The following GRIK2 variants were observed in gnomAD, a reference collection of about 807,000 sequenced individuals.
GRIK2 encodes the protein glutamate receptor ionotropic, kainate 2.
In GRIK2, 32 loss-of-function variants were observed where a neutral mutation model predicts 100.3. That is an observed-to-expected ratio of 0.32 (90% CI 0.24 to 0.43). The LOEUF is 0.43. Ranked by LOEUF, GRIK2 falls within the 20% of genes least tolerant of loss-of-function variation. The probability of loss-of-function intolerance (pLI) is 1.00; values close to 1 mark genes in which losing one functional copy is unlikely to be tolerated. For synonymous variants in GRIK2, 417 were observed against 389.4 expected, an observed-to-expected ratio of 1.07 and a Z score of -0.83; for missense variants, 843 against 1,114.9, an observed-to-expected ratio of 0.76 and a Z score of 3.47.
chr6:101,466,940 A>G (rs1771679334), intron 2 of GRIK2, among the ~76,000 whole-genome samples: 1 of 152,226 alleles, frequency 6.6e-6, no homozygotes, highest in South Asian at 2.1e-4. Flanking sequence ...TTGCTTTTAA[A>G]TAACTTGTAA....
chr6:101,394,666 T>A (rs1425617181), intron 1 of GRIK2, among the ~76,000 whole-genome samples: 2 of 152,242 alleles, frequency 1.3e-5, no homozygotes, highest in African/African-American at 2.4e-5. Flanking sequence ...ATTGGTTCAT[T>A]TGAGTCTTAA....
At chr6:101,768,097 G>C (rs1252035024) in intron 7 of GRIK2, among the ~76,000 whole-genome samples, 1 of 152,002 alleles carries the variant, frequency 6.6e-6, no homozygotes, top group East Asian at 1.9e-4. Context: ...GGGCTCAAGT[G>C]ATCTACCCAT....
intron 2 of GRIK2, among the ~76,000 whole-genome samples, chr6:101,457,048 C>T (rs1457982792): frequency 6.6e-6 from 1 of 152,076 alleles, no homozygotes; most frequent in Non-Finnish European, 1.5e-5. Context: ...CTAAACAATT[C>T]TAAAAGGAAC....
chr6:101,678,790 A>G (rs374031877), intron 5 of GRIK2, among the ~76,000 whole-genome samples: 1 of 152,384 alleles, frequency 6.6e-6, no homozygotes, highest in East Asian at 1.9e-4. Context: ...AGGACTATGC[A>G]GAAAAATAAA....
chr6:101,891,763 G>T (rs1787114420), intron 12 of GRIK2, among the ~76,000 whole-genome samples: 1 of 152,040 alleles, frequency 6.6e-6, no homozygotes, highest in African/African-American at 2.4e-5. Context: ...GACTTTTGGG[G>T]TTCTCCCCAC....
intron 7 of GRIK2, among the ~76,000 whole-genome samples, chr6:101,688,032 T>G (rs937243546): frequency 1.4e-5 from 2 of 148,004 alleles, no homozygotes; most frequent in African/African-American, 4.9e-5. Flanking sequence ...TTTAAATTGT[T>G]GTTATGATCA....
intron 4 of GRIK2, among the ~76,000 whole-genome samples, chr6:101,667,554 ATG>A (rs1770121140): frequency 6.6e-6 from 1 of 152,196 alleles, no homozygotes; most frequent in Admixed American, 6.6e-5. Flanking sequence ...CACTTTTAAA[ATG>A]TTTTCATGGG....
intron 2 of GRIK2, among the ~76,000 whole-genome samples, chr6:101,593,103 G>A (rs1464064098): frequency 6.6e-6 from 1 of 151,808 alleles, no homozygotes; most frequent in Non-Finnish European, 1.5e-5. Context: ...GCATCCTATG[G>A]GTGTTTGAAG....
At chr6:101,545,914 T>G (rs2128290292) in intron 2 of GRIK2, among the ~76,000 whole-genome samples, 1 of 151,272 alleles carries the variant, frequency 6.6e-6, no homozygotes, top group South Asian at 2.1e-4. Context: ...GTTAGAATTC[T>G]TGCTTATCTG....
chr6:101,526,740 T>C (rs953972782), intron 2 of GRIK2, among the ~76,000 whole-genome samples: 7 of 152,192 alleles, frequency 4.6e-5, no homozygotes, highest in African/African-American at 1.7e-4. Flanking sequence ...TTCTCATCTC[T>C]GTACACAGGT....
intron 2 of GRIK2, among the ~76,000 whole-genome samples, chr6:101,560,657 TTAAG>T (rs145581327): frequency 0.048 from 7,353 of 152,160 alleles, 251 homozygotes; most frequent in Non-Finnish European, 0.064. Flanking sequence ...AAGACATAAT[TTAAG>T]TAATTCAGCT....
intron 2 of GRIK2, among the ~76,000 whole-genome samples, chr6:101,469,126 AAAATTGTGTGGTTAC>A (rs1256017548): frequency 6.6e-6 from 1 of 152,200 alleles, no homozygotes; most frequent in Non-Finnish European, 1.5e-5. Flanking sequence ...CACCAACTAG[AAAATTGTGTGGTTAC>A]AAACCCACAA....
intron 4 of GRIK2, among the ~76,000 whole-genome samples, chr6:101,676,191 G>T (rs1262194166): frequency 6.6e-6 from 1 of 152,148 alleles, no homozygotes; most frequent in Non-Finnish European, 1.5e-5. Flanking sequence ...AGTATTTCAA[G>T]CCTTTAATAG....
chr6:102,068,820 C>T lies in GRIK2; in HGVS notation c.*309C>T, dbSNP rs1582818859. 1 of 199,368 alleles carries T rather than the reference C, an allele frequency of 5.0e-6. No individual in the cohort carries two copies. The highest frequency in any genetic ancestry group is 1.3e-4 in the East Asian group (1 of 7,904). The allele number at this position is 199,368 out of a possible 1,614,324, so 12.3% of individuals were successfully genotyped here. A position where few individuals can be genotyped will look rare whatever the true frequency, so the allele number is the denominator to read the frequency against. ...GCAGTCCAGTGAGAAATTACAGGTT[C>T]CTTTTGAAGCTCAACTGTTGCCAGG... is the stretch of plus-strand genomic sequence containing the variant. On this transcript the variant is annotated 3_prime_UTR_variant, in exon 17 of 17. Coordinates refer to ENST00000369134, the MANE Select transcript of GRIK2 (RefSeq NM_021956.5).
chr6:101,484,156 G>A (rs936603726), intron 2 of GRIK2, among the ~76,000 whole-genome samples: 1 of 152,146 alleles, frequency 6.6e-6, no homozygotes, highest in Non-Finnish European at 1.5e-5. Flanking sequence ...AATAAAATGA[G>A]AATTTTAGTA....
chr6:101,828,123 G>C (rs1782454259), intron 10 of GRIK2, among the ~76,000 whole-genome samples: 1 of 151,694 alleles, frequency 6.6e-6, no homozygotes, highest in Non-Finnish European at 1.5e-5. Context: ...AACACCAAGA[G>C]GAACTCTCAA....
At chr6:101,613,018 G>A (rs187819829) in intron 2 of GRIK2, among the ~76,000 whole-genome samples, 21 of 151,824 alleles carry the variant, frequency 1.4e-4, no homozygotes, top group African/African-American at 3.6e-4. Context: ...AATGTTTCAC[G>A]TTATAAAAAT....
intron 7 of GRIK2, among the ~76,000 whole-genome samples, chr6:101,766,510 C>A (rs1017238584): frequency 6.6e-6 from 1 of 152,040 alleles, no homozygotes; most frequent in African/African-American, 2.4e-5. Flanking sequence ...ACCTCAAATT[C>A]TTTTTTATGA....
At chr6:101,394,153 T>C (rs1774910541) in intron 1 of GRIK2, among the ~76,000 whole-genome samples, 1 of 152,170 alleles carries the variant, frequency 6.6e-6, no homozygotes, top group Non-Finnish European at 1.5e-5. Flanking sequence ...CTACGGGGAC[T>C]CACGCGAGGC....
Sources: allele counts gnomAD v4.1 joint callset (sites outside exome capture counted in the v4.1 genomes callset), GRCh38; gene constraint gnomAD v4.1.1; transcripts MANE v1.5; gene names NCBI Gene and HGNC (gene_info 2026-07-23, HGNC 2026-07-21).